The following DCLK1 variants were observed in gnomAD, a reference collection of about 807,000 sequenced individuals.
DCLK1 encodes doublecortin like kinase 1.
In DCLK1, 16 loss-of-function variants were observed where a neutral mutation model predicts 86.2. The ratio of observed to expected loss-of-function variants is 0.19; its 90% CI spans 0.13 to 0.28. DCLK1 has a LOEUF of 0.28. Among genes scored for constraint, DCLK1 ranks in the 10% least tolerant of loss-of-function variants. DCLK1 has a pLI of 1.00. For synonymous variants in DCLK1, 369 were observed against 370.5 expected (o/e 1.00, Z 0.05); for missense variants, 590 against 940.2 (o/e 0.63, Z 4.87).
intron 5 of DCLK1, among the ~76,000 whole-genome samples, chr13:35,867,184 A>G (rs1871856408): frequency 6.6e-6 from 1 of 152,358 alleles, no homozygotes; most frequent in East Asian, 1.9e-4. Flanking sequence ...GTCAGAATCA[A>G]GAGATAGTCA....
intron 3 of DCLK1, among the ~76,000 whole-genome samples, chr13:35,955,268 A>G (rs1877917672): frequency 6.6e-6 from 1 of 152,002 alleles, no homozygotes; most frequent in Non-Finnish European, 1.5e-5. Context: ...AGGCTGCTAT[A>G]ACAAAAATAT....
At chr13:36,049,894 G>C (rs1883063970) in intron 3 of DCLK1, among the ~76,000 whole-genome samples, 1 of 152,144 alleles carries the variant, frequency 6.6e-6, no homozygotes, top group South Asian at 2.1e-4. Flanking sequence ...AAAACCAGCA[G>C]AGTGCTGAAA....
At chr13:35,958,330 TAAC>T (rs1301742800) in intron 3 of DCLK1, among the ~76,000 whole-genome samples, 11 of 5,934 alleles carry the variant, frequency 1.9e-3, no homozygotes, top group Admixed American at 3.6e-3. Flanking sequence ...ACCACCATTA[TAAC>T]AATCACCACC....
chr13:36,008,226 TA>T (rs372327144), intron 3 of DCLK1, among the ~76,000 whole-genome samples: 8,405 of 64,640 alleles, frequency 0.13, 368 homozygotes, highest in Non-Finnish European at 0.15. Context: ...TTATTATTAT[TA>T]TTTTTTTAAT....
chr13:35,898,398 T>G (rs1874132576), intron 4 of DCLK1, among the ~76,000 whole-genome samples: 1 of 152,218 alleles, frequency 6.6e-6, no homozygotes, highest in South Asian at 2.1e-4. Flanking sequence ...AAGTATGCAT[T>G]TAAATGGAAA....
At chr13:35,775,507 A>C (rs1408141761) in intron 16 of DCLK1, among the ~76,000 whole-genome samples, 1 of 152,194 alleles carries the variant, frequency 6.6e-6, no homozygotes, top group Non-Finnish European at 1.5e-5. Flanking sequence ...TTATCATGAC[A>C]TCAGAATGGG....
intron 7 of DCLK1, among the ~76,000 whole-genome samples, chr13:35,837,228 G>A (rs747731062): frequency 7.9e-5 from 12 of 152,194 alleles, no homozygotes; most frequent in Admixed American, 2.0e-4. Flanking sequence ...CTTTCTTCTC[G>A]ATTTATGATG....
chr13:36,052,181 G>A (rs1883145171), intron 3 of DCLK1, among the ~76,000 whole-genome samples: 1 of 152,090 alleles, frequency 6.6e-6, no homozygotes, highest in Non-Finnish European at 1.5e-5. Flanking sequence ...TCTCATCACT[G>A]AGCTTATATG....
chr13:35,860,628 T>C (rs950192168), intron 5 of DCLK1, among the ~76,000 whole-genome samples: 2 of 152,152 alleles, frequency 1.3e-5, no homozygotes, highest in Admixed American at 1.3e-4. Flanking sequence ...CTCAGGAAAT[T>C]TAGGCAACAG....
chr13:35,937,032 C>T (rs1184582), intron 4 of DCLK1, among the ~76,000 whole-genome samples: 12,287 of 136,338 alleles, frequency 0.09, 634 homozygotes, highest in Middle Eastern at 0.2. Context: ...TGCAGTGGCG[C>T]GATCTCCACT....
At chr13:35,914,128 G>A (rs759150301) in intron 4 of DCLK1, among the ~76,000 whole-genome samples, 20 of 151,470 alleles carry the variant, frequency 1.3e-4, no homozygotes, top group Non-Finnish European at 4.4e-5. Flanking sequence ...GACCACCCTG[G>A]GCAACATAGT....
chr13:35,919,409 T>G (rs1223052884), intron 4 of DCLK1, among the ~76,000 whole-genome samples: 1 of 152,154 alleles, frequency 6.6e-6, no homozygotes, highest in Non-Finnish European at 1.5e-5. Context: ...TTGCATCCAG[T>G]GGTTTCAAAC....
In DCLK1 at chr13:36,125,694, G is replaced by A. The variant is rs1037632731; in HGVS notation, c.376+68C>T. 13 of 1,547,860 alleles carry A rather than the reference G, an allele frequency of 8.4e-6. No homozygotes were observed. The Admixed American group carries it at 1.8e-4, about 22-fold the overall frequency. ...AACTGTCAGAGGGCAAATGCGAATC[G>A]GCTACAACACTGGAAATCTGAGCCT... On this transcript the variant is annotated intron_variant, in intron 2 of 16. Transcript: ENST00000360631.
At chr13:36,057,504 A>G (rs1883380455) in intron 3 of DCLK1, among the ~76,000 whole-genome samples, 1 of 152,224 alleles carries the variant, frequency 6.6e-6, no homozygotes, top group Non-Finnish European at 1.5e-5. Context: ...TTAGCAAAAA[A>G]TAAAAATTCC....
chr13:35,839,009 C>A (rs768782258), intron 7 of DCLK1, 83 bp downstream of exon 7: 9 of 1,306,436 alleles, frequency 6.9e-6, no homozygotes, highest in Non-Finnish European at 9.7e-6. Flanking sequence ...CATGTCATTC[C>A]GCTTGAGAAG....
At chr13:35,978,687 T>A (rs564867127) in intron 3 of DCLK1, among the ~76,000 whole-genome samples, 1 of 152,286 alleles carries the variant, frequency 6.6e-6, no homozygotes, top group East Asian at 1.9e-4. Flanking sequence ...CAACATGTAA[T>A]ATCACAATTC....
At chr13:36,059,445 A>G (rs1883457090) in intron 3 of DCLK1, among the ~76,000 whole-genome samples, 1 of 150,522 alleles carries the variant, frequency 6.6e-6, no homozygotes, top group South Asian at 2.1e-4. Flanking sequence ...ATTCTATGAA[A>G]TCATCACAGT....
chr13:36,007,829 T>G (rs1198258509), intron 3 of DCLK1, among the ~76,000 whole-genome samples: 1 of 152,160 alleles, frequency 6.6e-6, no homozygotes, highest in Non-Finnish European at 1.5e-5. Flanking sequence ...TGATCACTTT[T>G]GGCATACAAT....
At chr13:35,978,672 A>C (rs1308040485) in intron 3 of DCLK1, among the ~76,000 whole-genome samples, 3 of 152,144 alleles carry the variant, frequency 2.0e-5, no homozygotes, top group African/African-American at 4.8e-5. Flanking sequence ...ACACTCTCAA[A>C]CAACCAACAT....
Sources: allele counts gnomAD v4.1 joint callset (sites outside exome capture counted in the v4.1 genomes callset), GRCh38; gene constraint gnomAD v4.1.1; transcripts MANE v1.5; gene names NCBI Gene and HGNC (gene_info 2026-07-23, HGNC 2026-07-21).